The following OTOGL variants were observed in gnomAD, a reference collection of about 807,000 sequenced individuals.
OTOGL encodes the protein otogelin like, also known as otogelin-like protein.
In OTOGL, 285 loss-of-function variants were observed where a neutral mutation model predicts 318.5. The observed-to-expected ratio is 0.89, with a 90% CI of 0.81 to 0.99. OTOGL has a LOEUF of 0.99. OTOGL is among the 50% of genes least tolerant of loss of function. OTOGL has a pLI of 0.00. For synonymous variants in OTOGL, 987 were observed against 936.5 expected (o/e 1.05, Z -0.99); for missense variants, 2,899 against 2,845.6 (o/e 1.02, Z -0.43).
chr12:80,210,522 G>T (rs775377241), intron 2 of OTOGL, among the ~76,000 whole-genome samples: 2 of 152,074 alleles, frequency 1.3e-5, no homozygotes, highest in Non-Finnish European at 2.9e-5. Flanking sequence ...TTTATGGTGT[G>T]CTTGGCATTT....
chr12:80,188,505 T>C (rs186187450), intron 1 of OTOGL, among the ~76,000 whole-genome samples: 2,093 of 150,376 alleles, frequency 0.014, 20 homozygotes, highest in Non-Finnish European at 0.024. Flanking sequence ...ACCACTGCAT[T>C]CCAGCCTGGG....
chr12:80,103,442 TC>T (rs539308824), intron 1 of OTOGL: 2 of 609,248 alleles, frequency 3.3e-6, no homozygotes, highest in Non-Finnish European at 5.8e-6. Flanking sequence ...CAGAATGTTG[TC>T]CCTTCTCTTC....
intron 1 of OTOGL, among the ~76,000 whole-genome samples, chr12:80,129,142 G>A (rs568812694): frequency 6.6e-6 from 1 of 152,310 alleles, no homozygotes; most frequent in Non-Finnish European, 1.5e-5. Context: ...CATGCTGGGA[G>A]CTGTAGACCG....
intron 58 of OTOGL, 92 bp from the exon 59 acceptor site, chr12:80,377,752 GAAGA>G: frequency 1.0e-6 from 1 of 976,548 alleles, no homozygotes; most frequent in Non-Finnish European, 1.5e-6. Context: ...GAGTGATGAG[GAAGA>G]AAGATTTTCA....
At chr12:80,161,810 A>G (rs1873535127) in intron 1 of OTOGL, among the ~76,000 whole-genome samples, 2 of 152,154 alleles carry the variant, frequency 1.3e-5, no homozygotes, top group Admixed American at 1.3e-4. Flanking sequence ...CAGCATGTGA[A>G]TATCTGCTTT....
Position 80,209,442 on chromosome 12 carries a change from TA to T in OTOGL, c.13del (p.Arg5GlufsTer5). On this transcript the variant is annotated frameshift_variant, in exon 2 of 59. Transcript: ENST00000547103. LOFTEE classifies it high-confidence loss of function. MNI[V>X]RKLNLMIPWS... ...AAAGGCTACACTGAAATGAACATTG[TA>T]AGAAAACTCAATTTAATGATACCTT... 6.7e-7 allele frequency: 1 copy of T among 1,503,424 alleles called. No homozygotes were observed. Among genetic ancestry groups the T allele is most frequent in the Non-Finnish European group, 8.9e-7 (1 of 1,126,260 alleles). The allele number at this position is 1,503,424 out of a possible 1,614,324, so 93.1% of individuals were successfully genotyped here. A position where few individuals can be genotyped will look rare whatever the true frequency, so the allele number is the denominator to read the frequency against.
At chr12:80,299,701 T>G (rs1885636221) in intron 27 of OTOGL, among the ~76,000 whole-genome samples, 1 of 151,988 alleles carries the variant, frequency 6.6e-6, no homozygotes, top group Non-Finnish European at 1.5e-5. Context: ...TTTTATTAAT[T>G]TATTTAAGCT....
chr12:80,230,449 T>C (rs1879263606), intron 8 of OTOGL, among the ~76,000 whole-genome samples: 1 of 152,218 alleles, frequency 6.6e-6, no homozygotes, highest in Admixed American at 6.5e-5. Flanking sequence ...TGAATTTAGA[T>C]AGTCATTTAG....
rs370476203 is a variant in OTOGL at position 80,120,575 on chromosome 12, G to T, written c.-20+20970G>T. On this transcript the variant is annotated intron_variant, in intron 1 of 58. Coordinates refer to ENST00000547103, the MANE Select transcript of OTOGL (RefSeq NM_001378609.3). ...TCCTAAGGATTCTCTCTCATTGGAG[G>T]ATCTCTCCAAAAATCCAAGTATGAG... Among the ~76,000 whole-genome samples the T allele has an allele frequency of 2.6e-5, 4 of 152,084 alleles. No individual in the cohort carries two copies. The South Asian group carries it at 8.3e-4, about 32-fold the overall frequency.
intron 1 of OTOGL, among the ~76,000 whole-genome samples, chr12:80,178,932 G>A (rs1193752237): frequency 3.3e-5 from 5 of 152,164 alleles, no homozygotes; most frequent in East Asian, 1.9e-4. Flanking sequence ...GAAGTTTTAG[G>A]TAAGACTCCA....
intron 1 of OTOGL, among the ~76,000 whole-genome samples, chr12:80,113,978 C>G (rs1475076341): frequency 6.6e-6 from 1 of 151,990 alleles, no homozygotes; most frequent in Non-Finnish European, 1.5e-5. Flanking sequence ...AAATCTTCCT[C>G]CATCTGTTTA....
chr12:80,227,855 C>T (rs1236610967), intron 7 of OTOGL, among the ~76,000 whole-genome samples: 1 of 152,180 alleles, frequency 6.6e-6, no homozygotes, highest in Non-Finnish European at 1.5e-5. Flanking sequence ...TTTGACCACT[C>T]ACTCTGAAAT....
Position 80,313,647 on chromosome 12 carries a change from T to C in OTOGL, c.3607+15T>C, listed in dbSNP as rs776929384. On this transcript the variant is annotated intron_variant, in intron 31 of 58. Coordinates refer to ENST00000547103, the MANE Select transcript of OTOGL (RefSeq NM_001378609.3). ...TACTGTTTGTTGTAAGTACCCTACT[T>C]AGAACATCATTATGTAGAGAACTGA... The C allele has an allele frequency of 1.3e-6, 2 of 1,594,574 alleles. No individual in the cohort carries two copies. The highest frequency in any genetic ancestry group is 1.7e-5 in the Admixed American group (1 of 58,874).
At chr12:80,261,400 GT>G (rs1882513511) in intron 18 of OTOGL, among the ~76,000 whole-genome samples, 1 of 151,956 alleles carries the variant, frequency 6.6e-6, no homozygotes, top group African/African-American at 2.4e-5. Context: ...TAAGATAGAT[GT>G]TTTTCATTTG....
chr12:80,150,151 C>G (rs1219864594), intron 1 of OTOGL, among the ~76,000 whole-genome samples: 1 of 152,200 alleles, frequency 6.6e-6, no homozygotes, highest in Non-Finnish European at 1.5e-5. Flanking sequence ...TTTGCTCTCT[C>G]TCAAATAGAG....
intron 1 of OTOGL, among the ~76,000 whole-genome samples, chr12:80,124,918 T>C (rs1050214716): frequency 1.3e-5 from 2 of 152,226 alleles, no homozygotes; most frequent in African/African-American, 4.8e-5. Flanking sequence ...AAGTTGCTTA[T>C]CAGCTGAAGG....
chr12:80,240,383 A>G (rs1592592600), intron 11 of OTOGL, among the ~76,000 whole-genome samples: 1 of 152,130 alleles, frequency 6.6e-6, no homozygotes, highest in Non-Finnish European at 1.5e-5. Flanking sequence ...GACCCTTTTC[A>G]AAAACAATGT....
At position 80,343,498 on chromosome 12, in the gene OTOGL, T is replaced by TGG. The variant is rs1426570914; in HGVS notation, c.5265+1336_5265+1337insGG. 7.4e-4 allele frequency: 105 copies of TGG among 142,238 alleles called. 1 individual carries two copies. The highest frequency in any genetic ancestry group is 5.8e-3 in the East Asian group (28 of 4,790). The allele number at this position is 142,238 out of a possible 1,614,324, so 8.8% of individuals were successfully genotyped here. ...TTATTATTTTTTACATTTTTATTAT[T>TGG]TTTTATTCTTGTTTTTTTTTTTTTT... On this transcript the variant is annotated intron_variant, in intron 44 of 58. Coordinates refer to ENST00000547103, the MANE Select transcript of OTOGL (RefSeq NM_001378609.3).
chr12:80,195,727 C>A (rs1876014098), intron 1 of OTOGL, among the ~76,000 whole-genome samples: 1 of 152,134 alleles, frequency 6.6e-6, no homozygotes, highest in South Asian at 2.1e-4. Context: ...CTGGAGCCAG[C>A]TCCTGGTGGC....
Sources: allele counts gnomAD v4.1 joint callset (sites outside exome capture counted in the v4.1 genomes callset), GRCh38; gene constraint gnomAD v4.1.1; transcripts MANE v1.5; gene names NCBI Gene and HGNC (gene_info 2026-07-23, HGNC 2026-07-21).